The following SPATA24 variants were observed in gnomAD, a reference collection of about 807,000 sequenced individuals.
SPATA24 encodes spermatogenesis associated 24.
In SPATA24, 21 loss-of-function variants were observed where a neutral mutation model predicts 28.9. That is an observed-to-expected ratio of 0.73 (90% CI 0.52 to 1.05). The LOEUF (loss-of-function observed/expected upper bound fraction) is 1.05. SPATA24 is among the 50% of genes least tolerant of loss of function. The pLI is 0.00. For synonymous variants in SPATA24, 76 were observed against 89.9 expected (o/e 0.85, Z 0.88); for missense variants, 215 against 242.9 (o/e 0.88, Z 0.76).
chr5:139,393,422 G>C (rs1481690234), downstream of SPATA24: 5 of 1,551,692 alleles, frequency 3.2e-6, no homozygotes, highest in South Asian at 5.9e-5. Flanking sequence ...GGAGTGCCGG[G>C]TGCGGACGGT....
downstream of SPATA24, chr5:139,393,260 C>T (rs1376483323): frequency 6.5e-7 from 1 of 1,549,598 alleles, no homozygotes; most frequent in Admixed American, 2.0e-5. Context: ...TCTCCAGGAC[C>T]CAAGACTTCC....
chr5:139,394,059 G>A, downstream of SPATA24: 1 of 1,550,920 alleles, frequency 6.4e-7, no homozygotes, highest in Non-Finnish European at 8.7e-7. Flanking sequence ...GAAGGAAGAT[G>A]CTGGAACTAA....
downstream of SPATA24, chr5:139,395,108 T>TCC (rs1382914924): frequency 7.9e-6 from 11 of 1,384,400 alleles, no homozygotes; most frequent in Non-Finnish European, 1.0e-5. Context: ...GTGCACTATC[T>TCC]CCCTCGCATT....
At chr5:139,397,523 A>T (rs1371063755) in intron 4 of SPATA24, among the ~76,000 whole-genome samples, 1 of 150,724 alleles carries the variant, frequency 6.6e-6, no homozygotes, top group East Asian at 1.9e-4. Context: ...TACATTTCCC[A>T]GTACTTCCTG....
In SPATA24 at chr5:139,397,107, A is replaced by AG; in HGVS notation, c.421dup (p.Leu141ProfsTer2). The AG allele has an allele frequency of 1.3e-6, 2 of 1,552,048 alleles. No homozygotes were observed. The highest frequency in any genetic ancestry group is 1.7e-6 in the Non-Finnish European group (2 of 1,147,076). On this transcript the variant is annotated frameshift_variant, in exon 5 of 6. Coordinates refer to ENST00000450845, the MANE Select transcript of SPATA24 (RefSeq NM_194296.2). LOFTEE classifies it high-confidence loss of function. ...TTTAATCTCATTCTCTTTGCCATTA[A>AG]GTATATCTTCTTGCTTTATAATGTG...
At chr5:139,392,542 G>A (rs1199312028), downstream of SPATA24, 1 of 1,351,162 alleles carries the variant, frequency 7.4e-7, no homozygotes, top group East Asian at 3.1e-5. This position sits in a 1 kb window ranked among gnomAD's most constrained non-coding sequence, Gnocchi z 5.8. Context: ...CTGGGCTGGG[G>A]CCGTCCTGCC....
At chr5:139,394,392 C>T, downstream of SPATA24, 1 of 1,393,138 alleles carries the variant, frequency 7.2e-7, no homozygotes, top group Non-Finnish European at 9.2e-7. Context: ...TGCGCAGGAG[C>T]AGCCGGGGGC....
chr5:139,394,999 G>C (rs1317406231), downstream of SPATA24: 5 of 1,491,800 alleles, frequency 3.4e-6, no homozygotes, highest in South Asian at 6.4e-5. Flanking sequence ...TGACGAACCG[G>C]AGGAGTCCTG....
At chr5:139,394,180 C>T (rs1440766605), downstream of SPATA24, 1 of 1,546,408 alleles carries the variant, frequency 6.5e-7, no homozygotes, top group Non-Finnish European at 8.7e-7. Context: ...ATCTCGTACG[C>T]GAAGTGGCCG....
chr5:139,396,696 T>C (rs2152077717), downstream of SPATA24: 3 of 1,546,114 alleles, frequency 1.9e-6, no homozygotes, highest in Non-Finnish European at 2.6e-6. Flanking sequence ...CCTACCACTA[T>C]CCAAGAGGGA....
chr5:139,392,844 C>T (rs10063870), downstream of SPATA24: 572,188 of 1,537,960 alleles, frequency 0.37, 116,023 homozygotes, highest in African/African-American at 0.76. This position sits in a 1 kb window ranked among gnomAD's most constrained non-coding sequence, Gnocchi z 5.8. Flanking sequence ...GCGAGGTTAC[C>T]TCGGGCCGGC....
At chr5:139,395,662 C>A (rs1231907819), downstream of SPATA24, 5 of 152,394 alleles carry the variant, frequency 3.3e-5, no homozygotes, top group Admixed American at 1.3e-4. Context: ...CTTCCTGATC[C>A]CCTTCAGTAG....
At chr5:139,402,407 A>AT (rs893930002) in intron 2 of SPATA24, among the ~76,000 whole-genome samples, 39 of 150,156 alleles carry the variant, frequency 2.6e-4, no homozygotes, top group South Asian at 2.3e-3. Flanking sequence ...GTATATATAT[A>AT]TTTTTTTGTA....
downstream of SPATA24, chr5:139,393,624 G>T: frequency 6.5e-7 from 1 of 1,549,640 alleles, no homozygotes; most frequent in Non-Finnish European, 8.7e-7. Context: ...CCGCATCCGC[G>T]ACTGCCGAAT....
downstream of SPATA24, chr5:139,392,549 T>C: frequency 7.4e-7 from 1 of 1,347,418 alleles, no homozygotes; most frequent in Non-Finnish European, 9.5e-7. This position sits in a 1 kb window ranked among gnomAD's most constrained non-coding sequence, Gnocchi z 5.8. Flanking sequence ...GGGGCCGTCC[T>C]GCCCGCCAAC....
At position 139,398,414 on chromosome 5, in the gene SPATA24, A is replaced by AC. The variant is rs996604629; in HGVS notation, c.386-1272_386-1271insG. 2.8e-3 allele frequency among the ~76,000 whole-genome samples: 420 copies of AC among 151,218 alleles called. 7 individuals carry two copies. The highest frequency in any genetic ancestry group is 1.7e-3 in the Non-Finnish European group (118 of 67,826). The stretch of plus-strand genomic sequence containing the variant: ...TCGCCTCTACAAAACTAAAAAAAAA[A>AC]AAAACAAAAAACTAGCTGGGCATGG... On this transcript the variant is annotated intron_variant, in intron 4 of 5. Transcript: ENST00000450845.
chr5:139,395,104 T>C, downstream of SPATA24: 1 of 1,387,186 alleles, frequency 7.2e-7, no homozygotes, highest in Non-Finnish European at 9.3e-7. Context: ...CGCCGTGCAC[T>C]ATCTCCCTCG....
downstream of SPATA24, chr5:139,395,715 T>G (rs1758691491): frequency 6.6e-6 from 1 of 152,256 alleles, no homozygotes; most frequent in Admixed American, 6.5e-5. Flanking sequence ...CCTCAGGGCC[T>G]CAGGAAGGTA....
At chr5:139,392,625 CTT>C, downstream of SPATA24, 1 of 1,381,430 alleles carries the variant, frequency 7.2e-7, no homozygotes. The surrounding 1 kb of genome is among the most constrained non-coding windows in gnomAD (Gnocchi z 5.8). Flanking sequence ...TAGGTGGTGT[CTT>C]CGGTTTGGGT....
Sources: allele counts gnomAD v4.1 joint callset (sites outside exome capture counted in the v4.1 genomes callset), GRCh38; gene constraint gnomAD v4.1.1; non-coding constraint Gnocchi (gnomAD v3.1); transcripts MANE v1.5; gene names NCBI Gene and HGNC (gene_info 2026-07-23, HGNC 2026-07-21).